RNF125: variants seen among roughly 807,000 people sequenced by gnomAD.
RNF125 encodes the protein E3 ubiquitin-protein ligase RNF125.
In RNF125, 21 loss-of-function variants were observed where a neutral mutation model predicts 26.0. The observed-to-expected ratio is 0.81, with a 90% CI of 0.57 to 1.16. The LOEUF (loss-of-function observed/expected upper bound fraction) is 1.16, where lower values mean the gene tolerates loss of function less well. Ranked by LOEUF, RNF125 falls within the 50% of genes most tolerant of loss-of-function variation. The pLI is 0.00. For missense variants in RNF125, 270 were observed against 299.4 expected, an observed-to-expected ratio of 0.90 and a Z score of 0.72; for synonymous variants, 95 against 109.2, an observed-to-expected ratio of 0.87 and a Z score of 0.81.
At chr18:32,081,924 G>C in the RNF125 span, among the ~76,000 whole-genome samples, 1 of 152,188 alleles carries the variant, frequency 6.6e-6, no homozygotes, top group Non-Finnish European at 1.5e-5. Flanking sequence ...GAATGTGGAG[G>C]TCCAAATGAA....
chr18:32,085,723 A>AAAG, the RNF125 span, among the ~76,000 whole-genome samples: 15 of 146,284 alleles, frequency 1.0e-4, no homozygotes, highest in African/African-American at 2.7e-4. Context: ...AAAAAAAAAA[A>AAAG]AGAGAGAGAG....
intron 1 of RNF125, among the ~76,000 whole-genome samples, chr18:32,033,864 T>C (rs2039124529): frequency 6.6e-6 from 1 of 151,966 alleles, no homozygotes; most frequent in Non-Finnish European, 1.5e-5. Flanking sequence ...GAAAGGTGTT[T>C]TCCCCACATC....
intron 1 of RNF125, among the ~76,000 whole-genome samples, chr18:32,029,746 G>T (rs115866334): frequency 2.0e-5 from 3 of 152,188 alleles, no homozygotes; most frequent in Admixed American, 6.6e-5. Context: ...GTGAATAAAC[G>T]GGGTCAGAGA....
At chr18:32,022,057 G>A (rs1028550946) in intron 1 of RNF125, among the ~76,000 whole-genome samples, 6 of 152,078 alleles carry the variant, frequency 3.9e-5, no homozygotes, top group Admixed American at 1.3e-4. Context: ...GATTGTGAGC[G>A]TTAATACCAT....
intron 5 of RNF125, 50 bp downstream of exon 5, chr18:32,066,059 A>G (rs1391336966): frequency 8.2e-7 from 1 of 1,215,322 alleles, no homozygotes; most frequent in East Asian, 2.3e-5. Context: ...TGTCTTGTTA[A>G]GCTTACCTTT....
chr18:32,040,269 CT>C (rs1185186501), intron 2 of RNF125, among the ~76,000 whole-genome samples: 2,870 of 104,422 alleles, frequency 0.027, 49 homozygotes, highest in African/African-American at 0.099. Context: ...CAATTTCTTT[CT>C]TTTTTTTTTT....
chr18:32,031,507 AAAAAAG>A (rs2039095291), intron 1 of RNF125: 1 of 150,720 alleles, frequency 6.6e-6, no homozygotes, highest in Non-Finnish European at 1.5e-5. Context: ...AAAAAAAAAA[AAAAAAG>A]GGAAAACTGC....
chr18:32,081,439 G>T, the RNF125 span, among the ~76,000 whole-genome samples: 1 of 152,134 alleles, frequency 6.6e-6, no homozygotes, highest in Non-Finnish European at 1.5e-5. Flanking sequence ...TTTACTCTCT[G>T]TTGCTATTTT....
At chr18:32,076,574 G>A (rs1024245325), downstream of RNF125, among the ~76,000 whole-genome samples, 1 of 152,094 alleles carries the variant, frequency 6.6e-6, no homozygotes, top group Non-Finnish European at 1.5e-5. Context: ...GCTTCTCAAA[G>A]TGTTGAGATT....
chr18:32,049,930 G>T (rs1297829156), intron 4 of RNF125, among the ~76,000 whole-genome samples: 1 of 152,142 alleles, frequency 6.6e-6, no homozygotes, highest in African/African-American at 2.4e-5. Context: ...GGGGACATGT[G>T]GGTGAAAACA....
At chr18:32,025,087 A>C (rs1014902761) in intron 1 of RNF125, among the ~76,000 whole-genome samples, 4 of 152,044 alleles carry the variant, frequency 2.6e-5, no homozygotes, top group African/African-American at 9.7e-5. Flanking sequence ...CAAACAAAAA[A>C]ACCTAGCTTG....
intron 1 of RNF125, among the ~76,000 whole-genome samples, chr18:32,025,531 G>A (rs2039024709): frequency 6.6e-6 from 1 of 151,990 alleles, no homozygotes; most frequent in Admixed American, 6.6e-5. Flanking sequence ...CAGGGGTGGT[G>A]GCAGGCACCT....
At position 32,021,055 on chromosome 18, in the gene RNF125, G is replaced by T. The variant is rs112163029; in HGVS notation, c.164+2028G>T. Among the ~76,000 whole-genome samples, 104 of 152,308 alleles carry T rather than the reference G, an allele frequency of 6.8e-4. 2 individuals carry two copies. In the Middle Eastern group the frequency reaches 0.014, roughly 20 times the overall value. On this transcript the variant is annotated intron_variant, in intron 1 of 5. Coordinates refer to ENST00000217740, the MANE Select transcript of RNF125 (RefSeq NM_017831.4). ...GCAGCCTGCACAATGTATAAATAAAGAGTGCTTTGGGCATTATTTCGTAGC... is the reference window on the plus strand; with the variant it reads ...GCAGCCTGCACAATGTATAAATAAATAGTGCTTTGGGCATTATTTCGTAGC...
At chr18:32,049,821 T>G (rs992606294) in intron 4 of RNF125, among the ~76,000 whole-genome samples, 6 of 152,032 alleles carry the variant, frequency 3.9e-5, no homozygotes, top group Admixed American at 3.9e-4. Flanking sequence ...CTCTGAAGGA[T>G]CTAGAGCCAC....
At chr18:32,074,424 A>T (rs978058126), downstream of RNF125, among the ~76,000 whole-genome samples, 2 of 152,198 alleles carry the variant, frequency 1.3e-5, no homozygotes, top group African/African-American at 2.4e-5. Context: ...ACAAGACAGG[A>T]AGTACACAGG....
At chr18:32,065,329 C>T (rs1361237512) in intron 4 of RNF125, among the ~76,000 whole-genome samples, 1 of 152,140 alleles carries the variant, frequency 6.6e-6, no homozygotes. Context: ...CCTCCGCCTC[C>T]CAGATTAAAG....
chr18:32,065,987 CTTTGT>C lies in RNF125; in HGVS notation c.594_598del (p.Phe199Ter). The C allele has an allele frequency of 6.2e-7, 1 of 1,604,416 alleles. No individual in the cohort carries two copies. Among genetic ancestry groups the C allele is most frequent in the South Asian group, 1.1e-5 (1 of 90,824 alleles). ...ATAAGACATCTGCAAGTTAGTCACA[CTTTGT>C]TTTATGATGATTTCATAGTAAGTAT... On this transcript the variant is annotated frameshift_variant, in exon 5 of 6. Coordinates refer to ENST00000217740, the MANE Select transcript of RNF125 (RefSeq NM_017831.4). LOFTEE classifies it high-confidence loss of function.
At chr18:32,085,258 G>A in the RNF125 span, among the ~76,000 whole-genome samples, 1 of 152,128 alleles carries the variant, frequency 6.6e-6, no homozygotes, top group African/African-American at 2.4e-5. Context: ...TGACAGTGAA[G>A]CAAATACACA....
the RNF125 span, among the ~76,000 whole-genome samples, chr18:32,081,193 G>A: frequency 1.6e-3 from 162 of 104,284 alleles, no homozygotes; most frequent in Admixed American, 1.6e-3. Context: ...GACTACATCT[G>A]AAAAAAAAAA....
Sources: allele counts gnomAD v4.1 joint callset (sites outside exome capture counted in the v4.1 genomes callset), GRCh38; gene constraint gnomAD v4.1.1; transcripts MANE v1.5; gene names NCBI Gene and HGNC (gene_info 2026-07-23, HGNC 2026-07-21).